PRELID2: variants seen among roughly 807,000 people sequenced by gnomAD.
PRELID2 encodes PRELI domain containing 2, also known as PRELI domain-containing protein 2.
In PRELID2, 25 loss-of-function variants were observed where a neutral mutation model predicts 28.4. The ratio of observed to expected loss-of-function variants is 0.88; its 90% CI spans 0.64 to 1.23. The LOEUF (loss-of-function observed/expected upper bound fraction) is 1.23, where lower values mean the gene tolerates loss of function less well. PRELID2 is among the 50% of genes most tolerant of loss of function. The pLI is 0.00. For missense variants in PRELID2, 201 were observed against 214.4 expected (o/e 0.94, Z 0.39); for synonymous variants, 76 against 71.6 (o/e 1.06, Z -0.31).
chr5:145,368,136 C>T, the PRELID2 span, among the ~76,000 whole-genome samples: 1 of 151,938 alleles, frequency 6.6e-6, no homozygotes, highest in Non-Finnish European at 1.5e-5. Context: ...CCAACTGGAA[C>T]ATGAGTTTCT....
chr5:145,451,332 G>T, the PRELID2 span, among the ~76,000 whole-genome samples: 1 of 152,110 alleles, frequency 6.6e-6, no homozygotes, highest in Admixed American at 6.5e-5. Flanking sequence ...CCAAGACTTT[G>T]CTCAAATACC....
intron 1 of PRELID2, among the ~76,000 whole-genome samples, chr5:145,613,409 AC>A (rs535452327): frequency 6.5e-4 from 97 of 150,026 alleles, no homozygotes; most frequent in African/African-American, 2.2e-3. Context: ...CTCATCATTT[AC>A]ATTAGGTATA....
the PRELID2 span, among the ~76,000 whole-genome samples, chr5:145,296,912 T>A: frequency 6.6e-6 from 1 of 152,244 alleles, no homozygotes; most frequent in South Asian, 2.1e-4. Context: ...TATCTCATTG[T>A]GGTTTTGATT....
intron 1 of PRELID2, among the ~76,000 whole-genome samples, chr5:145,481,650 A>AAAAAAAAAAAAAAAAAAAAAAAG (rs1752162758): frequency 1.7e-5 from 2 of 117,850 alleles, no homozygotes; most frequent in African/African-American, 6.5e-5. Flanking sequence ...AAAAAAAAAA[A>AAAAAAAAAAAAAAAAAAAAAAAG]AAAGAAAGAA....
chr5:145,741,658 T>TATTTATATATA lies in PRELID2; in HGVS notation n.70+23262_70+23272dup, dbSNP rs1561568312. ...ATAATTTATTTATATATAAATAATT[T>TATTTATATATA]ATTTATATATAAATAATTTATAAAT... On this transcript the variant is annotated intron_variant and non_coding_transcript_variant, in intron 1 of 2. Coordinates refer to the PRELID2 transcript ENST00000510259. Among the ~76,000 whole-genome samples the TATTTATATATA allele has an allele frequency of 7.4e-5, 2 of 27,034 alleles. 1 individual carries two copies. The highest frequency in any genetic ancestry group is 1.8e-4 in the African/African-American group (2 of 10,932). The allele number at this position is 27,034 out of a possible 152,430, so 17.7% of individuals were successfully genotyped here. A position where few individuals can be genotyped will look rare whatever the true frequency, so the allele number is the denominator to read the frequency against.
At chr5:145,389,509 T>C in the PRELID2 span, among the ~76,000 whole-genome samples, 1 of 152,186 alleles carries the variant, frequency 6.6e-6, no homozygotes, top group African/African-American at 2.4e-5. Context: ...TGCATTAAAA[T>C]GTAAATTTTG....
At chr5:145,653,863 T>A (rs1011959393) in intron 1 of PRELID2, among the ~76,000 whole-genome samples, 9 of 151,980 alleles carry the variant, frequency 5.9e-5, no homozygotes, top group Admixed American at 5.2e-4. Context: ...GCAAACACAT[T>A]CAAAAGCTAG....
chr5:145,271,430 G>A, the PRELID2 span, among the ~76,000 whole-genome samples: 4 of 152,066 alleles, frequency 2.6e-5, no homozygotes, highest in African/African-American at 7.2e-5. Context: ...TGCCTAGGCT[G>A]GTTTCAAACT....
the PRELID2 span, among the ~76,000 whole-genome samples, chr5:145,364,599 G>A: frequency 2.0e-5 from 3 of 151,928 alleles, no homozygotes; most frequent in Admixed American, 6.6e-5. Context: ...TAAATGAAGT[G>A]GGGTGCTGTG....
At chr5:145,570,909 GCTGGT>G (rs1166435744) in intron 1 of PRELID2, among the ~76,000 whole-genome samples, 1 of 152,158 alleles carries the variant, frequency 6.6e-6, no homozygotes. Flanking sequence ...CATTACATAA[GCTGGT>G]CCATTACCAC....
At chr5:145,493,740 C>T (rs1752287333) in intron 1 of PRELID2, among the ~76,000 whole-genome samples, 1 of 152,142 alleles carries the variant, frequency 6.6e-6, no homozygotes, top group South Asian at 2.1e-4. Flanking sequence ...TCCTTCCCCA[C>T]CAGACAAAAT....
the PRELID2 span, among the ~76,000 whole-genome samples, chr5:145,409,201 C>T: frequency 8.5e-5 from 13 of 152,132 alleles, no homozygotes; most frequent in South Asian, 2.1e-4. Flanking sequence ...GCCAGCACTA[C>T]AAGAAGTGCA....
At chr5:145,429,732 C>A in the PRELID2 span, 1 of 152,174 alleles carries the variant, frequency 6.6e-6, no homozygotes, top group Non-Finnish European at 1.5e-5. Flanking sequence ...AGTGGAGACT[C>A]TTTCCCCACA....
At chr5:145,532,707 C>T (rs748167913) in intron 1 of PRELID2, among the ~76,000 whole-genome samples, 4 of 152,042 alleles carry the variant, frequency 2.6e-5, no homozygotes, top group Admixed American at 6.6e-5. Flanking sequence ...CAAGTGAGAT[C>T]GTGTAGTATT....
At chr5:145,644,996 T>C (rs563077418) in intron 1 of PRELID2, among the ~76,000 whole-genome samples, 1 of 152,198 alleles carries the variant, frequency 6.6e-6, no homozygotes, top group Non-Finnish European at 1.5e-5. Context: ...ATTCTGTTGA[T>C]TTGGGGTGAA....
chr5:145,834,193 A>G (rs77169973), intron 1 of PRELID2, among the ~76,000 whole-genome samples: 7,494 of 152,300 alleles, frequency 0.049, 262 homozygotes, highest in Non-Finnish European at 0.076. Context: ...TAGCAGTGAG[A>G]AAAAGAAAAA....
At chr5:145,613,244 T>C (rs1753644638) in intron 1 of PRELID2, among the ~76,000 whole-genome samples, 1 of 152,178 alleles carries the variant, frequency 6.6e-6, no homozygotes, top group African/African-American at 2.4e-5. Context: ...TGTTGAGTAT[T>C]TTTTCATATG....
intron 1 of PRELID2, among the ~76,000 whole-genome samples, chr5:145,675,884 G>A (rs376416102): frequency 1.8e-4 from 27 of 152,288 alleles, no homozygotes; most frequent in East Asian, 1.7e-3. Context: ...AACTGCAATA[G>A]ATTGAAACAC....
chr5:145,434,748 G>T, the PRELID2 span, among the ~76,000 whole-genome samples: 3 of 152,158 alleles, frequency 2.0e-5, no homozygotes, highest in Non-Finnish European at 4.4e-5. Flanking sequence ...GGGGGGCACT[G>T]GGTAGTGAAT....
Sources: allele counts gnomAD v4.1 joint callset (sites outside exome capture counted in the v4.1 genomes callset), GRCh38; gene constraint gnomAD v4.1.1; transcripts MANE v1.5; gene names NCBI Gene and HGNC (gene_info 2026-07-23, HGNC 2026-07-21).